The following LRRC56 variants were observed in gnomAD, a reference collection of about 807,000 sequenced individuals.
The protein encoded by LRRC56 is leucine rich repeat containing 56, also known as leucine-rich repeat-containing protein 56.
A neutral mutation model predicts 47.8 loss-of-function variants in LRRC56; 41 were observed. The observed-to-expected ratio is 0.86, with a 90% CI of 0.67 to 1.11. The LOEUF is 1.11. Ranked by LOEUF, LRRC56 falls within the 50% of genes most tolerant of loss-of-function variation. The pLI is 0.00. For missense variants in LRRC56, 759 were observed against 704.2 expected, an observed-to-expected ratio of 1.08 and a Z score of -0.88; for synonymous variants, 387 against 311.2, an observed-to-expected ratio of 1.24 and a Z score of -2.56.
At chr11:538,227 C>T (rs535544033) in intron 1 of LRRC56, among the ~76,000 whole-genome samples, 3 of 152,320 alleles carry the variant, frequency 2.0e-5, no homozygotes, top group African/African-American at 7.2e-5. Flanking sequence ...GCTTGGGGCT[C>T]TTGGGCACAG....
intron 2 of LRRC56, among the ~76,000 whole-genome samples, chr11:539,215 G>A (rs1851664321): frequency 1.3e-5 from 2 of 152,008 alleles, no homozygotes; most frequent in Admixed American, 1.3e-4. Context: ...CAAGTAGCTG[G>A]GACTACAGGC....
chr11:537,795 T>C (rs1041387597), intron 1 of LRRC56, among the ~76,000 whole-genome samples, 190 bp downstream of exon 1: 1 of 152,100 alleles, frequency 6.6e-6, no homozygotes, highest in South Asian at 2.1e-4. Context: ...GGCCCTGCAC[T>C]GAAAGGGCTC....
chr11:520,874 C>G, the LRRC56 span, among the ~76,000 whole-genome samples: 5 of 152,152 alleles, frequency 3.3e-5, no homozygotes, highest in African/African-American at 1.2e-4. Context: ...CTGCACAATG[C>G]GCACCCACCC....
At position 551,641 on chromosome 11, in the gene LRRC56, C is replaced by A. The variant is rs925935510; in HGVS notation, c.797-10C>A. ...GGCCTTGGTGACCTCTGCTTCTGAA[C>A]CTCGGGCAGACTGTCCCCGTGGAGC... On this transcript the variant is annotated splice_polypyrimidine_tract_variant and intron_variant, in intron 9 of 13. Transcript: ENST00000270115. The A allele has an allele frequency of 1.3e-6, 2 of 1,546,618 alleles. No individual in the cohort carries two copies. The highest frequency in any genetic ancestry group is 2.0e-5 in the Admixed American group (1 of 49,932).
the LRRC56 span, among the ~76,000 whole-genome samples, chr11:509,077 G>T: frequency 6.6e-6 from 1 of 150,874 alleles, no homozygotes; most frequent in Non-Finnish European, 1.5e-5. Context: ...GTCTCAAAAA[G>T]AAGGTGGTTC....
upstream of LRRC56, chr11:536,719 C>T (rs779318044): frequency 6.6e-6 from 1 of 152,284 alleles, no homozygotes; most frequent in African/African-American, 2.4e-5. Context: ...TGCGGTGAGC[C>T]GAAATCGCGC....
chr11:512,789 G>A, the LRRC56 span, among the ~76,000 whole-genome samples: 1 of 152,134 alleles, frequency 6.6e-6, no homozygotes, highest in African/African-American at 2.4e-5. Context: ...TCAATGCTAC[G>A]TCGCCTTCTA....
chr11:531,809 T>C, the LRRC56 span, among the ~76,000 whole-genome samples: 7 of 152,160 alleles, frequency 4.6e-5, no homozygotes, highest in Non-Finnish European at 1.0e-4. Context: ...ACTGGGCATG[T>C]GAAGGCCCAG....
the LRRC56 span, among the ~76,000 whole-genome samples, chr11:508,035 T>C: frequency 6.6e-6 from 1 of 152,234 alleles, no homozygotes; most frequent in Non-Finnish European, 1.5e-5. Flanking sequence ...AAGTGGGTTT[T>C]CTTTAAGTTT....
intron 6 of LRRC56, 59 bp downstream of exon 6, chr11:544,839 C>T (rs1851992621): frequency 1.7e-5 from 25 of 1,514,884 alleles, no homozygotes; most frequent in Non-Finnish European, 2.3e-5. Flanking sequence ...ATGGGACAGG[C>T]CCTGCAGGGA....
chr11:553,169 G>A (rs1292346725), intron 13 of LRRC56, among the ~76,000 whole-genome samples: 4 of 152,168 alleles, frequency 2.6e-5, no homozygotes, highest in Non-Finnish European at 5.9e-5. Context: ...GATGGCACGC[G>A]CACTTGGGGA....
the LRRC56 span, among the ~76,000 whole-genome samples, chr11:527,489 CAG>C: frequency 3.9e-5 from 6 of 152,112 alleles, no homozygotes; most frequent in Admixed American, 1.3e-4. Context: ...TGCCTCACAG[CAG>C]AGAGTCATGC....
chr11:523,352 G>C, the LRRC56 span, among the ~76,000 whole-genome samples: 1 of 150,674 alleles, frequency 6.6e-6, no homozygotes, highest in Non-Finnish European at 1.5e-5. Flanking sequence ...CAATCTGGGG[G>C]CCGGGCGTGG....
rs189703623 is a variant in LRRC56 at position 554,637 on chromosome 11, G to C, written c.*361G>C. 2,635 of 401,352 alleles carry C rather than the reference G, an allele frequency of 6.6e-3. 25 individuals are homozygous for C. The highest frequency in any genetic ancestry group is 0.013 in the Admixed American group (287 of 22,710). The allele number at this position is 401,352 out of a possible 1,614,324, so 24.9% of individuals were successfully genotyped here. A position where few individuals can be genotyped will look rare whatever the true frequency, so the allele number is the denominator to read the frequency against. On this transcript the variant is annotated 3_prime_UTR_variant, in exon 14 of 14. Coordinates refer to ENST00000270115, the MANE Select transcript of LRRC56 (RefSeq NM_198075.4). ...TGGCCGAGGGGCAGGGGCTGGAGCT[G>C]CGAGTCCACCACTCCCTTGCCGGCC...
chr11:509,809 C>T, the LRRC56 span, among the ~76,000 whole-genome samples: 2 of 151,268 alleles, frequency 1.3e-5, no homozygotes. Context: ...GTGATTCGCC[C>T]GCCTCAACCT....
chr11:554,085 C>A lies in LRRC56; in HGVS notation c.1438C>A (p.Arg480=). ...CCTGCAGTCCAGGGGGCGTCGGCTC[C>A]GAGTCCTGGGCAGCTGGGGGCCTGG... ...TDLQSRGRRL[R]VLGSWGPGLG... The change falls in exon 14 of 14, where the codon CGA becomes AGA. Residue 480 remains arginine, a synonymous_variant. Transcript: ENST00000270115. 6.2e-7 allele frequency: 1 copy of A among 1,608,498 alleles called. No homozygotes were observed. Among genetic ancestry groups the A allele is most frequent in the Non-Finnish European group, 8.5e-7 (1 of 1,178,756 alleles).
chr11:509,597 G>C, the LRRC56 span, among the ~76,000 whole-genome samples: 3 of 152,134 alleles, frequency 2.0e-5, no homozygotes, highest in African/African-American at 7.2e-5. Context: ...GCCCAGGCTG[G>C]AGTGCAGTGG....
chr11:554,581 T>C lies in LRRC56; in HGVS notation c.*305T>C, dbSNP rs1457849305. 1.2e-5 allele frequency: 5 copies of C among 413,296 alleles called. No individual in the cohort carries two copies. The East Asian group carries it at 1.5e-4, about 13-fold the overall frequency. The allele number at this position is 413,296 out of a possible 1,614,324, so 25.6% of individuals were successfully genotyped here. A position where few individuals can be genotyped will look rare whatever the true frequency, so the allele number is the denominator to read the frequency against. The stretch of plus-strand genomic sequence containing the variant: ...TGGGGGGTGGTCACCCGAGCAGGCC[T>C]GTGAGAGGCCTCTCCTGCTAGAATT... On this transcript the variant is annotated 3_prime_UTR_variant, in exon 14 of 14. Transcript: ENST00000270115.
upstream of LRRC56, chr11:533,219 G>A (rs978492450): frequency 1.8e-5 from 25 of 1,423,390 alleles, 1 homozygote; most frequent in Admixed American, 2.0e-5. Context: ...ACTGCAGGGC[G>A]TGAGCCCAGA....
Sources: allele counts gnomAD v4.1 joint callset (sites outside exome capture counted in the v4.1 genomes callset), GRCh38; gene constraint gnomAD v4.1.1; transcripts MANE v1.5; gene names NCBI Gene and HGNC (gene_info 2026-07-23, HGNC 2026-07-21).